GAS7: variants seen among roughly 807,000 people sequenced by gnomAD.
The protein encoded by GAS7 is growth arrest-specific protein 7.
GAS7 carries 28 observed loss-of-function variants against 71.1 expected under a neutral mutation model. The observed-to-expected ratio is 0.39, with a 90% CI of 0.29 to 0.54. The LOEUF (loss-of-function observed/expected upper bound fraction) is 0.54, where lower values mean the gene tolerates loss of function less well. Among genes scored for constraint, GAS7 ranks in the 20% least tolerant of loss-of-function variants. GAS7 has a pLI of 0.62. For missense variants in GAS7, 436 were observed against 627.8 expected (o/e 0.69, Z 3.27); for synonymous variants, 258 against 245.8 (o/e 1.05, Z -0.46).
rs368871282 is a variant in GAS7 at position 10,084,638 on chromosome 17, TG to T, written c.184-64742del. Among the ~76,000 whole-genome samples the T allele has an allele frequency of 5.2e-3, 784 of 152,224 alleles. 9 individuals are homozygous for T. Among genetic ancestry groups the T allele is most frequent in the African/African-American group, 0.018 (744 of 41,556 alleles). On this transcript the variant is annotated intron_variant, in intron 1 of 13. Coordinates refer to ENST00000432992, the MANE Select transcript of GAS7 (RefSeq NM_201433.2). ...CCTGCCACCACACCTGGCTAATATTTGTATTTTTAGTAGAGATGGGGTTTCA... is the reference window on the plus strand; with the variant it reads ...CCTGCCACCACACCTGGCTAATATTTTATTTTTAGTAGAGATGGGGTTTCA...
At chr17:10,083,182 T>C (rs2073477219) in intron 1 of GAS7, among the ~76,000 whole-genome samples, 1 of 152,216 alleles carries the variant, frequency 6.6e-6, no homozygotes, top group Non-Finnish European at 1.5e-5. Context: ...GGCAGATACA[T>C]TTGTTAACAT....
At chr17:9,973,934 C>T (rs1447228455) in intron 3 of GAS7, among the ~76,000 whole-genome samples, 1 of 152,132 alleles carries the variant, frequency 6.6e-6, no homozygotes, top group Non-Finnish European at 1.5e-5. Context: ...AATGCTGAGT[C>T]CCCATGAACC....
rs1371914849 is a variant in GAS7 at position 10,026,820 on chromosome 17, A to G, written c.184-6923T>C. Among the ~76,000 whole-genome samples, 1 of 152,214 alleles carries G rather than the reference A, an allele frequency of 6.6e-6. No homozygotes were observed. The highest frequency in any genetic ancestry group is 1.9e-4 in the East Asian group (1 of 5,196). Reference sequence around the variant, plus strand: ...CTCTCCTCCAGCTCTGGGTTAAGACACAAATCATGCAACAGTGACATCACC... The same window carrying G: ...CTCTCCTCCAGCTCTGGGTTAAGACGCAAATCATGCAACAGTGACATCACC... On this transcript the variant is annotated intron_variant, in intron 1 of 13. Transcript: ENST00000432992. This position sits in a 1 kb window ranked among gnomAD's most constrained non-coding sequence, Gnocchi z 4.5.
chr17:9,990,899 T>A (rs1212075599), intron 2 of GAS7, among the ~76,000 whole-genome samples: 2 of 152,176 alleles, frequency 1.3e-5, no homozygotes, highest in African/African-American at 4.8e-5. Context: ...GGCGCTGGCA[T>A]CTTACAGACA....
At chr17:10,118,340 G>A (rs2073878270) in intron 1 of GAS7, among the ~76,000 whole-genome samples, 1 of 152,160 alleles carries the variant, frequency 6.6e-6, no homozygotes, top group Admixed American at 6.5e-5. Context: ...CCTCATCTGT[G>A]AACAGCTCCA....
chr17:10,079,332 T>C (rs1236644023), intron 1 of GAS7, among the ~76,000 whole-genome samples: 1 of 152,200 alleles, frequency 6.6e-6, no homozygotes, highest in Non-Finnish European at 1.5e-5. Context: ...ACATCCTCCT[T>C]GGCCAGGATA....
chr17:10,122,640 C>G (rs2073914041), intron 1 of GAS7, among the ~76,000 whole-genome samples: 1 of 152,142 alleles, frequency 6.6e-6, no homozygotes, highest in Non-Finnish European at 1.5e-5. Flanking sequence ...TCAATCACAA[C>G]TCCTCCATAT....
At chr17:10,181,589 C>G (rs982207024) in intron 1 of GAS7, among the ~76,000 whole-genome samples, 1 of 152,036 alleles carries the variant, frequency 6.6e-6, no homozygotes, top group African/African-American at 2.4e-5. Context: ...TAAAATGCAG[C>G]TCAGGAGATA....
At chr17:10,115,424 C>G (rs946631063) in intron 1 of GAS7, among the ~76,000 whole-genome samples, 1 of 152,194 alleles carries the variant, frequency 6.6e-6, no homozygotes, top group African/African-American at 2.4e-5. Flanking sequence ...ACCTCCTCCC[C>G]AACTCAGGAA....
chr17:10,002,657 A>T (rs1597656563), intron 2 of GAS7, among the ~76,000 whole-genome samples: 1 of 151,850 alleles, frequency 6.6e-6, no homozygotes, highest in East Asian at 1.9e-4. Flanking sequence ...GAGAACATGC[A>T]GTGTTTGGTT....
chr17:10,151,275 G>A (rs767443027), intron 1 of GAS7, among the ~76,000 whole-genome samples: 1 of 152,004 alleles, frequency 6.6e-6, no homozygotes, highest in Non-Finnish European at 1.5e-5. Flanking sequence ...TAGTAGCTGG[G>A]ACTATAGGCA....
rs2069596407 is a variant in GAS7 at position 9,963,772 on chromosome 17, A to G, written c.472-4517T>C. Among the ~76,000 whole-genome samples the G allele has an allele frequency of 2.6e-5, 4 of 152,240 alleles. 1 individual carries two copies. In the South Asian group the frequency reaches 8.3e-4, roughly 32 times the overall value. On this transcript the variant is annotated intron_variant, in intron 4 of 13. Coordinates refer to ENST00000432992, the MANE Select transcript of GAS7 (RefSeq NM_201433.2). ...TTAAAAAAAGGCATTTTTTGAGACA[A>G]TTGAGGAATCTGGAGTGTATATATT...
At chr17:10,146,562 G>A (rs2074122578) in intron 1 of GAS7, among the ~76,000 whole-genome samples, 1 of 152,174 alleles carries the variant, frequency 6.6e-6, no homozygotes, top group African/African-American at 2.4e-5. Context: ...CAGCAGCTCT[G>A]GGAGGAGGCC....
Position 10,020,183 on chromosome 17 carries a change from C to T in GAS7, c.184-286G>A, listed in dbSNP as rs187156830. The T allele has an allele frequency of 6.5e-5, 19 of 291,860 alleles. No individual in the cohort carries two copies. The East Asian group carries it at 9.6e-4, about 15-fold the overall frequency. The allele number at this position is 291,860 out of a possible 1,614,324, so 18.1% of individuals were successfully genotyped here. A position where few individuals can be genotyped will look rare whatever the true frequency, so the allele number is the denominator to read the frequency against. On this transcript the variant is annotated intron_variant, in intron 1 of 13. Coordinates refer to ENST00000432992, the MANE Select transcript of GAS7 (RefSeq NM_201433.2). Reference sequence around the variant, plus strand: ...TAATGGAGCTAGACTTTCTCCACGGCCCCCTAGAAAATCACTCACGGGGTG... The same window carrying T: ...TAATGGAGCTAGACTTTCTCCACGGTCCCCTAGAAAATCACTCACGGGGTG...
chr17:10,116,920 G>C (rs1320768155), intron 1 of GAS7, among the ~76,000 whole-genome samples: 1 of 152,050 alleles, frequency 6.6e-6, no homozygotes. Context: ...GAGCAAAGGG[G>C]TGGACCTGCC....
At position 9,913,558 on chromosome 17, in the gene GAS7, A is replaced by G. The variant is rs2067497191; in HGVS notation, c.*3670T>C. 4.3e-6 allele frequency: 1 copy of G among 231,196 alleles called. No individual in the cohort carries two copies. Among genetic ancestry groups the G allele is most frequent in the Non-Finnish European group, 8.6e-6 (1 of 116,682 alleles). The allele number at this position is 231,196 out of a possible 1,614,324, so 14.3% of individuals were successfully genotyped here. On this transcript the variant is annotated 3_prime_UTR_variant, in exon 14 of 14. Transcript: ENST00000432992. ...ACCCCTGGTTGGTGAATTCGTTGGT[A>G]CACTGTTTCGGTGTGCCCAGCTGTT...
Position 10,162,749 on chromosome 17 carries a change from G to A in GAS7, c.183+35459C>T, listed in dbSNP as rs1008989471. Among the ~76,000 whole-genome samples, 5 of 152,168 alleles carry A rather than the reference G, an allele frequency of 3.3e-5. No individual in the cohort carries two copies. The South Asian group carries it at 6.2e-4, about 19-fold the overall frequency. On this transcript the variant is annotated intron_variant, in intron 1 of 13. Coordinates refer to ENST00000432992, the MANE Select transcript of GAS7 (RefSeq NM_201433.2). ...GCTAAGCTAAATAAGCCCATCACACGAGGGGAAGTATATGATTCCAATTAT... is the reference window on the plus strand; with the variant it reads ...GCTAAGCTAAATAAGCCCATCACACAAGGGGAAGTATATGATTCCAATTAT...
chr17:9,935,189 G>A (rs980928799), intron 8 of GAS7, among the ~76,000 whole-genome samples: 3 of 152,106 alleles, frequency 2.0e-5, no homozygotes, highest in Admixed American at 6.5e-5. Context: ...AGGCTCCCAC[G>A]GCCATCCTAG....
chr17:10,008,629 C>G (rs986924493), intron 2 of GAS7, among the ~76,000 whole-genome samples: 2 of 152,022 alleles, frequency 1.3e-5, no homozygotes, highest in Non-Finnish European at 2.9e-5. Context: ...CATGTTAGAA[C>G]GGATATCCTG....
Sources: allele counts gnomAD v4.1 joint callset (sites outside exome capture counted in the v4.1 genomes callset), GRCh38; gene constraint gnomAD v4.1.1; non-coding constraint Gnocchi (gnomAD v3.1); transcripts MANE v1.5; gene names NCBI Gene and HGNC (gene_info 2026-07-23, HGNC 2026-07-21).